Variants in PCDHGB4 observed in about 807,000 individuals in gnomAD.
PCDHGB4 encodes the protein protocadherin gamma-B4.
In PCDHGB4, 38 loss-of-function variants were observed where a neutral mutation model predicts 60.5. The ratio of observed to expected loss-of-function variants is 0.63; its 90% CI spans 0.48 to 0.82. PCDHGB4 has a LOEUF of 0.82. Ranked by LOEUF, PCDHGB4 falls within the 40% of genes least tolerant of loss-of-function variation. The probability of loss-of-function intolerance (pLI) is 0.00; values close to 1 mark genes in which losing one functional copy is unlikely to be tolerated. For synonymous variants in PCDHGB4, 456 were observed against 509.7 expected (o/e 0.89, Z 1.42); for missense variants, 1,109 against 1,209.6 (o/e 0.92, Z 1.23).
rs756361613 is a variant in PCDHGB4 at position 141,392,855 on chromosome 5, C to G, written c.2397+2574C>G. 3.1e-6 allele frequency: 5 copies of G among 1,612,176 alleles called. No individual in the cohort carries two copies. The highest frequency in any genetic ancestry group is 3.3e-4 in the Middle Eastern group (2 of 6,050). Reference sequence around the variant, plus strand: ...GTCGCCCCAGACGCGGCGAGCTGATCCTGCTGTGCGCGCTGCTGGGAACGC... The same window carrying G: ...GTCGCCCCAGACGCGGCGAGCTGATGCTGCTGTGCGCGCTGCTGGGAACGC... On this transcript the variant is annotated intron_variant, in intron 1 of 3. Coordinates refer to ENST00000519479, the MANE Select transcript of PCDHGB4 (RefSeq NM_003736.4).
chr5:141,471,977 A>G (rs1487329441), intron 1 of PCDHGB4, among the ~76,000 whole-genome samples: 1 of 152,212 alleles, frequency 6.6e-6, no homozygotes, highest in Non-Finnish European at 1.5e-5. Context: ...ATTACTGTAT[A>G]AATTTATTAA....
Position 141,399,777 on chromosome 5 carries a change from C to T in PCDHGB4, c.2397+9496C>T, listed in dbSNP as rs751610227. On this transcript the variant is annotated intron_variant, in intron 1 of 3. Transcript: ENST00000519479. ...TGAGCCTGCGCGTGTTGGTGGGCGA[C>T]CGAAACGACAACGCACCGCGGGTGC... The T allele has an allele frequency of 3.7e-6, 6 of 1,613,304 alleles. No homozygotes were observed. The Admixed American group carries it at 8.3e-5, about 22-fold the overall frequency.
chr5:141,481,762 G>A (rs1378950651), intron 1 of PCDHGB4, among the ~76,000 whole-genome samples: 3 of 152,126 alleles, frequency 2.0e-5, no homozygotes, highest in African/African-American at 2.4e-5. Flanking sequence ...GACCAGCCTG[G>A]CCAACATGGT....
chr5:141,391,749 G>A (rs147297013), intron 1 of PCDHGB4: 1 of 152,154 alleles, frequency 6.6e-6, no homozygotes, highest in African/African-American at 2.4e-5. Flanking sequence ...CTTATCCTTT[G>A]GCTTCTTAGT....
Position 141,432,623 on chromosome 5 carries a change from C to T in PCDHGB4, c.2397+42342C>T, listed in dbSNP as rs1047752183. Reference sequence around the variant, plus strand: ...GCCGGGACTCTTCTCGGTGGGTCTGCACACGGGCGAGGTGCGCACGGCGCG... The same window carrying T: ...GCCGGGACTCTTCTCGGTGGGTCTGTACACGGGCGAGGTGCGCACGGCGCG... On this transcript the variant is annotated intron_variant, in intron 1 of 3. Coordinates refer to ENST00000519479, the MANE Select transcript of PCDHGB4 (RefSeq NM_003736.4). The surrounding 1 kb of genome is among the most constrained non-coding windows in gnomAD (Gnocchi z 6.0). The T allele has an allele frequency of 1.2e-6, 2 of 1,613,196 alleles. No homozygotes were observed. The highest frequency in any genetic ancestry group is 2.2e-5 in the East Asian group (1 of 44,792).
rs1441791773 is a variant in PCDHGB4, at chr5:141,486,038, G to A, written c.2398-8769G>A. The A allele has an allele frequency of 1.9e-6, 3 of 1,614,066 alleles. No individual in the cohort carries two copies. The highest frequency in any genetic ancestry group is 1.1e-5 in the South Asian group (1 of 91,088). On this transcript the variant is annotated intron_variant, in intron 1 of 3. Coordinates refer to ENST00000519479, the MANE Select transcript of PCDHGB4 (RefSeq NM_003736.4). The surrounding 1 kb of genome is among the most constrained non-coding windows in gnomAD (Gnocchi z 5.0). ...TTTCAGTGGTCATACCCCTGATCGT[G>A]TAAGAAACCTCTTTAGCCTGCACCC...
rs1380063948 is a variant in PCDHGB4, at chr5:141,390,019, G to GCCTGCGAC, written c.2136_2143dup (p.Arg715ProfsTer54). ...GCCATGATTCTGGCCATTGCCTTGC[G>GCCTGCGAC]CCTGCGACGCTCCTCCAGCCCCGCC... On this transcript the variant is annotated frameshift_variant, in exon 1 of 4. Transcript: ENST00000519479. LOFTEE classifies it high-confidence loss of function. The GCCTGCGAC allele has an allele frequency of 6.2e-7, 1 of 1,614,002 alleles. No homozygotes were observed.
chr5:141,502,866 C>CTTTT (rs549047197), intron 2 of PCDHGB4, among the ~76,000 whole-genome samples: 3 of 128,028 alleles, frequency 2.3e-5, no homozygotes, highest in African/African-American at 6.2e-5. Flanking sequence ...GACTCTCTGT[C>CTTTT]TTTTTTTTTT....
At position 141,388,723 on chromosome 5, in the gene PCDHGB4, C is replaced by T; in HGVS notation, c.839C>T (p.Ser280Phe). 1 of 1,614,018 alleles carries T rather than the reference C, an allele frequency of 6.2e-7. No homozygotes were observed. Among genetic ancestry groups the T allele is most frequent in the Non-Finnish European group, 8.5e-7 (1 of 1,179,894 alleles). The change falls in exon 1 of 4, where the codon TCT becomes TTT. Residue 280 changes from serine (S) to phenylalanine (F), a missense_variant. Physicochemically the swap from Ser to Phe is radical, Grantham distance 155. Around this residue, in one of 2 missense-constraint regions of PCDHGB4, gnomAD observed 1,068 missense variants for 1,089.9 expected, o/e 0.98. Transcript: ENST00000519479. ...GGTGTCAATGCCGAGATTACTTTCT[C>T]TTTCAGTGAAGCTAGCCAGATCACC... ...DEGVNAEITF[S>F]FSEASQITQF...
rs186292704 is a variant in PCDHGB4 at position 141,490,783 on chromosome 5, C to T, written c.2398-4024C>T. ...TGTGTATGTCAACCCAGAGGATGGA[C>T]GGATCTTTGCCCAGCGTACCTTTGA... On this transcript the variant is annotated intron_variant, in intron 1 of 3. Transcript: ENST00000519479. The surrounding 1 kb of genome is among the most constrained non-coding windows in gnomAD (Gnocchi z 5.4). The T allele has an allele frequency of 8.1e-6, 13 of 1,614,024 alleles. 1 individual carries two copies. Among genetic ancestry groups the T allele is most frequent in the Middle Eastern group, 3.3e-4 (2 of 6,062 alleles).
chr5:141,487,109 G>A lies in PCDHGB4; in HGVS notation c.2398-7698G>A. 2 of 1,614,122 alleles carry A rather than the reference G, an allele frequency of 1.2e-6. No homozygotes were observed. Among genetic ancestry groups the A allele is most frequent in the Non-Finnish European group, 1.7e-6 (2 of 1,180,004 alleles). ...CCTCCCACCACAGAAGCTGGTCATTGTGGTAAAGGATAGTGGTAGTCCACC... is the reference window on the plus strand; with the variant it reads ...CCTCCCACCACAGAAGCTGGTCATTATGGTAAAGGATAGTGGTAGTCCACC... On this transcript the variant is annotated intron_variant, in intron 1 of 3. Transcript: ENST00000519479. This position sits in a 1 kb window ranked among gnomAD's most constrained non-coding sequence, Gnocchi z 5.0.
rs1434083091 is a variant in PCDHGB4 at position 141,450,833 on chromosome 5, T to TA, written c.2398-43974_2398-43973insA. 6.4e-3 allele frequency among the ~76,000 whole-genome samples: 943 copies of TA among 147,260 alleles called. 6 individuals carry two copies. The highest frequency in any genetic ancestry group is 0.014 in the Middle Eastern group (4 of 276). ...TTATTTAATATTATTATTATTATTT[T>TA]TTTTTTTTTGAGATGGGGTCTTGCT... is the stretch of plus-strand genomic sequence containing the variant. On this transcript the variant is annotated intron_variant, in intron 1 of 3. Coordinates refer to ENST00000519479, the MANE Select transcript of PCDHGB4 (RefSeq NM_003736.4).
chr5:141,427,260 AC>A (rs1388196814), intron 1 of PCDHGB4: 1 of 456,770 alleles, frequency 2.2e-6, no homozygotes, highest in Admixed American at 2.3e-5. Flanking sequence ...TGGAGGCATG[AC>A]CAGCGAATGT....
chr5:141,466,989 G>C, intron 1 of PCDHGB4, among the ~76,000 whole-genome samples: 1 of 150,922 alleles, frequency 6.6e-6, no homozygotes. Context: ...TTTACCTTTT[G>C]GCATTTTTTT....
chr5:141,427,875 C>A, intron 1 of PCDHGB4: 1 of 1,560,408 alleles, frequency 6.4e-7, no homozygotes. Flanking sequence ...GCTCACGATG[C>A]AGGCCCACGA....
At chr5:141,410,706 G>A in intron 1 of PCDHGB4, 1 of 1,454,410 alleles carries the variant, frequency 6.9e-7, no homozygotes, top group Non-Finnish European at 9.2e-7. Flanking sequence ...TTCATATCTA[G>A]AATCATATGT....
chr5:141,433,199 ATCT>A (rs1202688924), intron 1 of PCDHGB4: 4 of 1,579,570 alleles, frequency 2.5e-6, no homozygotes, highest in East Asian at 2.2e-5. Context: ...TTTATATCAA[ATCT>A]TCTTTCTTTT....
chr5:141,424,401 G>A (rs1167861346), intron 1 of PCDHGB4: 1 of 151,844 alleles, frequency 6.6e-6, no homozygotes, highest in Non-Finnish European at 1.5e-5. Flanking sequence ...CCATTACTAT[G>A]GTGAAGTTAC....
rs763072566 is a variant in PCDHGB4 at position 141,419,417 on chromosome 5, T to G, written c.2397+29136T>G. The stretch of plus-strand genomic sequence containing the variant: ...CGGGGTGGTGTTCGCGCAGCGCGCC[T>G]TCGACCACGAGCAGCTGCGCACCTT... On this transcript the variant is annotated intron_variant, in intron 1 of 3. Transcript: ENST00000519479. 3.0e-5 allele frequency: 48 copies of G among 1,613,288 alleles called. No homozygotes were observed. Among genetic ancestry groups the G allele is most frequent in the Non-Finnish European group, 3.8e-5 (45 of 1,179,884 alleles).
Sources: gnomAD v4.1 joint callset for allele counts (sites outside exome capture counted in the v4.1 genomes callset) on GRCh38, gnomAD v4.1.1 for gene constraint, gnomAD v4.1.1 regional missense constraint, Gnocchi (gnomAD v3.1) non-coding constraint, MANE v1.5 for transcripts, NCBI Gene and HGNC (gene_info 2026-07-23, HGNC 2026-07-21) for gene names.